The following SNRNP200 variants were observed in gnomAD, a reference collection of about 807,000 sequenced individuals.
SNRNP200 encodes the protein U5 small nuclear ribonucleoprotein 200 kDa helicase.
SNRNP200 carries 66 observed loss-of-function variants against 255.2 expected under a neutral mutation model. The ratio of observed to expected loss-of-function variants is 0.26; its 90% CI spans 0.21 to 0.32. SNRNP200 has a LOEUF of 0.32. Among genes scored for constraint, SNRNP200 ranks in the 10% least tolerant of loss-of-function variants. SNRNP200 has a pLI of 1.00. For missense variants in SNRNP200, 1,585 were observed against 2,749.8 expected (o/e 0.58, Z 9.47); for synonymous variants, 939 against 1,027.8 (o/e 0.91, Z 1.65).
rs2063881015 is a variant in SNRNP200, at chr2:96,291,056, A to C, written c.2422-241T>G. ...GCACAAGTGCAGACTTGTATTAAAC[A>C]ACCTTAAAGTTACTAGAAAAGGTAA... On this transcript the variant is annotated intron_variant, in intron 18 of 44. Transcript: ENST00000323853. The surrounding 1 kb of genome is among the most constrained non-coding windows in gnomAD (Gnocchi z 4.2). Among the ~76,000 whole-genome samples, 1 of 152,164 alleles carries C rather than the reference A, an allele frequency of 6.6e-6. No homozygotes were observed. Among genetic ancestry groups the C allele is most frequent in the Admixed American group, 6.5e-5 (1 of 15,276 alleles).
rs769522762 is a variant in SNRNP200 at position 96,296,926 on chromosome 2, C to T, written c.1515+7G>A. 24 of 1,614,042 alleles carry T rather than the reference C, an allele frequency of 1.5e-5. No individual in the cohort carries two copies. Among genetic ancestry groups the T allele is most frequent in the South Asian group, 5.5e-5 (5 of 91,082 alleles). On this transcript the variant is annotated splice_region_variant and intron_variant, in intron 12 of 44. Coordinates refer to ENST00000323853, the MANE Select transcript of SNRNP200 (RefSeq NM_014014.5). The stretch of plus-strand genomic sequence containing the variant: ...TACAAGAAAACAGCAGGCAGGGTGG[C>T]GCTTACAGTAGGAGCACACAGCAGC...
rs985439781 is a variant in SNRNP200 at position 96,280,848 on chromosome 2, CTTTTTTT to C, written c.5024+959_5024+965del. Among the ~76,000 whole-genome samples the C allele has an allele frequency of 5.2e-5, 6 of 114,872 alleles. No homozygotes were observed. In the East Asian group the frequency reaches 8.2e-4, roughly 16 times the overall value. The allele number at this position is 114,872 out of a possible 152,430, so 75.4% of individuals were successfully genotyped here. On this transcript the variant is annotated intron_variant, in intron 35 of 44. Coordinates refer to ENST00000323853, the MANE Select transcript of SNRNP200 (RefSeq NM_014014.5). ...CAGGCATGAGCCACCACACCTGGCC[CTTTTTTT>C]TTTTTTTTTTTTTTTGAGACGGGGT...
In SNRNP200 at chr2:96,279,487, C is replaced by T. The variant is rs770986426; in HGVS notation, c.5097G>A (p.Glu1699=). 1.9e-6 allele frequency: 3 copies of T among 1,614,088 alleles called. No individual in the cohort carries two copies. In the Admixed American group the frequency reaches 5.0e-5, roughly 27 times the overall value. ...CCTGACACATGATGACACAGCGCCC[C>T]TCATCGTCCTGCAAAGGGCGGTTGG... ...GHANRPLQDD[E]GRCVIMCQGS... is the part of the protein sequence containing the mutation. The change falls in exon 36 of 45, where the codon GAG becomes GAA. Residue 1699 remains glutamate, a synonymous_variant. Coordinates refer to ENST00000323853, the MANE Select transcript of SNRNP200 (RefSeq NM_014014.5).
Position 96,291,895 on chromosome 2 carries a change from C to G in SNRNP200, c.2166G>C (p.Leu722=), listed in dbSNP as rs756178830. Residue 722 remains leucine, a synonymous_variant, in exon 17 of 45, where the codon CTG becomes CTC. Coordinates refer to ENST00000323853, the MANE Select transcript of SNRNP200 (RefSeq NM_014014.5). The surrounding 1 kb of genome is among the most constrained non-coding windows in gnomAD (Gnocchi z 4.2). Reference sequence around the variant, plus strand: ...TCTCCTTCCGGGAGTGGACAAACACCAGCACCTAAGGAGAAGCCACAGTTT... The same window carrying G: ...TCTCCTTCCGGGAGTGGACAAACACGAGCACCTAAGGAGAAGCCACAGTTT... ...IMEHAGKNQV[L]VFVHSRKETG... is the part of the protein sequence containing the mutation. The G allele has an allele frequency of 1.2e-6, 2 of 1,614,020 alleles. No homozygotes were observed. Among genetic ancestry groups the G allele is most frequent in the Admixed American group, 1.7e-5 (1 of 60,026 alleles).
At chr2:96,303,462 G>T in intron 2 of SNRNP200, 132 bp from the exon 3 acceptor site, 1 of 1,086,982 alleles carries the variant, frequency 9.2e-7, no homozygotes. Context: ...CTGAGCCTCA[G>T]CAAATGATTC....
In SNRNP200 at chr2:96,290,745, G is replaced by T. The variant is rs1174575740; in HGVS notation, c.2492C>A (p.Thr831Asn). Residue 831 changes from threonine (T) to asparagine (N), a missense_variant, in exon 19 of 45, where the codon ACC becomes AAC. This residue lies in a region of SNRNP200 where 140 missense variants were observed against 274.9 expected (regional missense o/e 0.51). Coordinates refer to ENST00000323853, the MANE Select transcript of SNRNP200 (RefSeq NM_014014.5). This position sits in a 1 kb window ranked among gnomAD's most constrained non-coding sequence, Gnocchi z 4.5. ...LPAHTVIIKG[T>N]QVYSPEKGRW... ...CCCCTTCTCTGGACTGTACACCTGG[G>T]TGCCTTTGATGATGACTGTATGTGC... 1 of 1,614,188 alleles carries T rather than the reference G, an allele frequency of 6.2e-7. No homozygotes were observed. Among genetic ancestry groups the T allele is most frequent in the East Asian group, 2.2e-5 (1 of 44,876 alleles).
In SNRNP200 at chr2:96,277,284, C is replaced by T; in HGVS notation, c.5932-43G>A. On this transcript the variant is annotated intron_variant, in intron 41 of 44. Coordinates refer to ENST00000323853, the MANE Select transcript of SNRNP200 (RefSeq NM_014014.5). This position sits in a 1 kb window ranked among gnomAD's most constrained non-coding sequence, Gnocchi z 4.4. ...ACGTCAGGAAAGAGAGAACACGGGC[C>T]AACAGCAAATGACACAGGCAGCAAA... 3 of 1,607,118 alleles carry T rather than the reference C, an allele frequency of 1.9e-6. No homozygotes were observed. The highest frequency in any genetic ancestry group is 2.6e-6 in the Non-Finnish European group (3 of 1,173,864).
intron 31 of SNRNP200, 144 bp downstream of exon 31, chr2:96,284,214 A>G (rs2063827382): frequency 1.1e-6 from 1 of 895,880 alleles, no homozygotes; most frequent in Non-Finnish European, 1.8e-6. Flanking sequence ...AAAAGTTAAC[A>G]TTGTCCCTTT....
At chr2:96,304,631 A>G in intron 2 of SNRNP200, 74 bp downstream of exon 2, 1 of 1,591,736 alleles carries the variant, frequency 6.3e-7, no homozygotes, top group South Asian at 1.1e-5. Context: ...GCATTCCAGC[A>G]AAAATGCTGC....
chr2:96,283,232 C>G lies in SNRNP200; in HGVS notation c.4884G>C (p.Glu1628Asp), dbSNP rs1185667964. 1 of 1,614,106 alleles carries G rather than the reference C, an allele frequency of 6.2e-7. No individual in the cohort carries two copies. Among genetic ancestry groups the G allele is most frequent in the Non-Finnish European group, 8.5e-7 (1 of 1,180,056 alleles). ...TGAAGAGCTGCTCCACCAGGCGTCG[C>G]TCCATGGGGCTGAGCCCCTCATGCA... Reference protein sequence around the residue: ...GYLHEGLSPMERRLVEQLFSS... With the variant: ...GYLHEGLSPMDRRLVEQLFSS... The change falls in exon 34 of 45, where the codon GAG (glutamate) becomes GAC (aspartate). Residue 1628 changes from glutamate to aspartate, a missense_variant. By Grantham distance (45) the Glu-to-Asp change is conservative. Coordinates refer to ENST00000323853, the MANE Select transcript of SNRNP200 (RefSeq NM_014014.5). The surrounding 1 kb of genome is among the most constrained non-coding windows in gnomAD (Gnocchi z 4.7).
chr2:96,288,930 C>T (rs1161888589), intron 23 of SNRNP200, 107 bp downstream of exon 23: 3 of 1,136,192 alleles, frequency 2.6e-6, no homozygotes, highest in Non-Finnish European at 3.9e-6. Flanking sequence ...ACTAGGAGAA[C>T]TGAGCAGGAA....
chr2:96,277,446 C>T lies in SNRNP200; in HGVS notation c.5931+93G>A. 4 of 1,487,628 alleles carry T rather than the reference C, an allele frequency of 2.7e-6. No homozygotes were observed. The highest frequency in any genetic ancestry group is 1.4e-5 in the African/African-American group (1 of 72,430). The allele number at this position is 1,487,628 out of a possible 1,614,324, so 92.2% of individuals were successfully genotyped here. On this transcript the variant is annotated intron_variant, in intron 41 of 44. Coordinates refer to ENST00000323853, the MANE Select transcript of SNRNP200 (RefSeq NM_014014.5). The surrounding 1 kb of genome is among the most constrained non-coding windows in gnomAD (Gnocchi z 4.4). ...GGAGGAACCATAACTAAAAGTTTAA[C>T]TTACTGAGACTCACCTCCCGCAACC...
At chr2:96,305,237 T>C (rs1356172856) in intron 1 of SNRNP200, among the ~76,000 whole-genome samples, 156 bp downstream of exon 1, 9 of 152,134 alleles carry the variant, frequency 5.9e-5, no homozygotes, top group Admixed American at 5.9e-4. Flanking sequence ...CAGTAGGTTA[T>C]TCACGTCATC....
In SNRNP200 at chr2:96,289,918, C is replaced by T. The variant is rs545475705; in HGVS notation, c.2821G>A (p.Asp941Asn). The T allele has an allele frequency of 6.2e-7, 1 of 1,614,146 alleles. No individual in the cohort carries two copies. The highest frequency in any genetic ancestry group is 1.3e-5 in the African/African-American group (1 of 75,016). ...RSPTLYGISH[D>N]DLKGDPLLDQ... ...AGCAGGGGATCTCCCTTGAGGTCAT[C>T]ATGAGAGATGCCATAGAGGGTTGGG... The change falls in exon 21 of 45, where the codon GAT becomes AAT. Residue 941 changes from aspartate to asparagine, a missense_variant. This residue lies in a region of SNRNP200 where 719 missense variants were observed against 1,091.1 expected (regional missense o/e 0.66). Coordinates refer to ENST00000323853, the MANE Select transcript of SNRNP200 (RefSeq NM_014014.5).
At position 96,288,749 on chromosome 2, in the gene SNRNP200, G is replaced by A. The variant is rs746762207; in HGVS notation, c.3175-3C>T. The A allele has an allele frequency of 8.7e-6, 14 of 1,613,712 alleles. No homozygotes were observed. Among genetic ancestry groups the A allele is most frequent in the Non-Finnish European group, 1.2e-5 (14 of 1,179,816 alleles). On this transcript the variant is annotated splice_polypyrimidine_tract_variant and splice_region_variant and intron_variant, in intron 23 of 44. Coordinates refer to ENST00000323853, the MANE Select transcript of SNRNP200 (RefSeq NM_014014.5). ...AAGGCTTGCAGAAGAACGTTGATCT[G>A]TAAAGAAGCAAAATCAGCCAGCAGG... is the stretch of plus-strand genomic sequence containing the variant.
rs1321281895 is a variant in SNRNP200 at position 96,285,295 on chromosome 2, G to A, written c.4049C>T (p.Ala1350Val). 3.1e-6 allele frequency: 5 copies of A among 1,614,132 alleles called. No individual in the cohort carries two copies. Among genetic ancestry groups the A allele is most frequent in the Non-Finnish European group, 4.2e-6 (5 of 1,180,034 alleles). Residue 1350 changes from alanine to valine, a missense_variant, in exon 30 of 45, where the codon GCC (alanine) becomes GTC (valine). Physicochemically the swap from Ala to Val is moderately conservative, Grantham distance 64. Around this residue, in one of 9 missense-constraint regions of SNRNP200, gnomAD observed 719 missense variants for 1,091.1 expected, o/e 0.66. Coordinates refer to ENST00000323853, the MANE Select transcript of SNRNP200 (RefSeq NM_014014.5). ...AATAGTCTTCCCGCTGCCCGTGGGG[G>A]CCCCCACAAACACGTTGTCGTCACT... ...YNSDDNVFVG[A>V]PTGSGKTICA...
Position 96,277,099 on chromosome 2 carries a change from T to C in SNRNP200, c.6074A>G (p.Asp2025Gly), listed in dbSNP as rs754428963. Residue 2025 changes from aspartate to glycine, a missense_variant, in exon 42 of 45, where the codon GAT (aspartate) becomes GGT (glycine). This residue lies in a region of SNRNP200 where 279 missense variants were observed against 551.2 expected (regional missense o/e 0.51). Transcript: ENST00000323853. The surrounding 1 kb of genome is among the most constrained non-coding windows in gnomAD (Gnocchi z 4.4). ...PNIELSYEVV[D>G]KDSIRSGGPV... is the part of the protein sequence containing the mutation. ...GGCTCACCTGCGGATGCTGTCCTTA[T>C]CTACCACCTCATAAGATAGTTCGAT... 1.2e-6 allele frequency: 2 copies of C among 1,614,216 alleles called. No homozygotes were observed. Among genetic ancestry groups the C allele is most frequent in the Non-Finnish European group, 1.7e-6 (2 of 1,180,032 alleles).
intron 16 of SNRNP200, 74 bp downstream of exon 16, chr2:96,292,898 A>G: frequency 1.3e-6 from 2 of 1,546,670 alleles, no homozygotes; most frequent in East Asian, 2.2e-5. Flanking sequence ...ATTTCTGTCA[A>G]TCTTCCCCAA....
Position 96,276,950 on chromosome 2 carries a change from C to T in SNRNP200, c.6128G>A (p.Arg2043Gln). ...GACAGGGCCTGTGACTTCCTCCTCT[C>T]GCTCCAGCTGCACCAGCACCACAAC... ...GPVVVLVQLE[R>Q]EEEVTGPVIA... Residue 2043 changes from arginine to glutamine, a missense_variant, in exon 43 of 45, where the codon CGA (arginine) becomes CAA (glutamine). Physicochemically the swap from Arg to Gln is conservative, Grantham distance 43. Transcript: ENST00000323853. The T allele has an allele frequency of 1.2e-6, 2 of 1,614,048 alleles. No individual in the cohort carries two copies. Among genetic ancestry groups the T allele is most frequent in the East Asian group, 2.2e-5 (1 of 44,884 alleles).
Sources: gnomAD v4.1 joint callset for allele counts (sites outside exome capture counted in the v4.1 genomes callset) on GRCh38, gnomAD v4.1.1 for gene constraint, gnomAD v4.1.1 regional missense constraint, Gnocchi (gnomAD v3.1) non-coding constraint, MANE v1.5 for transcripts, NCBI Gene and HGNC (gene_info 2026-07-23, HGNC 2026-07-21) for gene names.